The following HERC6 variants were observed in gnomAD, a reference collection of about 807,000 sequenced individuals.
HERC6 encodes HECT and RLD domain containing E3 ubiquitin protein ligase family member 6.
In HERC6, 101 loss-of-function variants were observed where a neutral mutation model predicts 114.5. The ratio of observed to expected loss-of-function variants is 0.88; its 90% CI spans 0.75 to 1.04. HERC6 has a LOEUF of 1.04. Among genes scored for constraint, HERC6 ranks in the 50% least tolerant of loss-of-function variants. HERC6 has a pLI of 0.00. For missense variants in HERC6, 1,133 were observed against 1,230.9 expected (o/e 0.92, Z 1.19); for synonymous variants, 408 against 436.2 (o/e 0.94, Z 0.81).
At chr4:88,383,163 G>A in intron 1 of HERC6, 58 bp from the exon 2 acceptor site, 2 of 1,568,318 alleles carry the variant, frequency 1.3e-6, no homozygotes, top group Non-Finnish European at 1.7e-6. Context: ...TCTTAAACTT[G>A]TGTTAAATTA....
At chr4:88,438,125 C>CA (rs746047106) in intron 20 of HERC6, among the ~76,000 whole-genome samples, 1,482 of 41,646 alleles carry the variant, frequency 0.036, 19 homozygotes, top group Non-Finnish European at 0.045. Context: ...GACTGTGTCT[C>CA]AAAAAAAAAA....
chr4:88,414,026 C>T (rs1736281751), intron 12 of HERC6, among the ~76,000 whole-genome samples: 1 of 152,144 alleles, frequency 6.6e-6, no homozygotes, highest in African/African-American at 2.4e-5. Flanking sequence ...CAATTCTGTT[C>T]TCTGTAGTGG....
At chr4:88,419,008 G>A (rs572300505) in intron 13 of HERC6, among the ~76,000 whole-genome samples, 1 of 152,288 alleles carries the variant, frequency 6.6e-6, no homozygotes, top group Admixed American at 6.5e-5. Flanking sequence ...TTATAGGCGT[G>A]AGTCACTGTG....
In HERC6 at chr4:88,423,663, T is replaced by C. The variant is rs186233181; in HGVS notation, c.1714-197T>C. On this transcript the variant is annotated intron_variant, in intron 13 of 22. Transcript: ENST00000264346. ...CTGTCAGCGTCTTATCTTTGACATT[T>C]CTTCATGAAAATTAAGGAAATTATA... Among the ~76,000 whole-genome samples, 3 of 152,336 alleles carry C rather than the reference T, an allele frequency of 2.0e-5. No individual in the cohort carries two copies. In the East Asian group the frequency reaches 5.8e-4, roughly 29 times the overall value.
chr4:88,439,828 CT>C, intron 20 of HERC6, 45 bp from the exon 21 acceptor site: 1 of 1,390,420 alleles, frequency 7.2e-7, no homozygotes, highest in Non-Finnish European at 9.3e-7. Context: ...AATCATTGGC[CT>C]TTTCCTTCCT....
At chr4:88,406,017 A>G (rs899223182) in intron 10 of HERC6, among the ~76,000 whole-genome samples, 4 of 152,224 alleles carry the variant, frequency 2.6e-5, no homozygotes, top group African/African-American at 9.6e-5. Flanking sequence ...ACTCACTGCT[A>G]CAGAAGAAAA....
Position 88,432,909 on chromosome 4 carries a change from A to G in HERC6, c.2250+1604A>G, listed in dbSNP as rs796826649. On this transcript the variant is annotated intron_variant, in intron 17 of 22. Coordinates refer to ENST00000264346, the MANE Select transcript of HERC6 (RefSeq NM_017912.4). ...CGAGACCATCCTGGCTAGCATGGTG[A>G]AACCCTATCTCTACTAAAAATACAA... 2.6e-5 allele frequency among the ~76,000 whole-genome samples: 4 copies of G among 151,548 alleles called. No homozygotes were observed. In the South Asian group the frequency reaches 8.3e-4, roughly 32 times the overall value.
intron 8 of HERC6, among the ~76,000 whole-genome samples, chr4:88,401,273 T>A (rs1211115827): frequency 6.6e-6 from 1 of 151,734 alleles, no homozygotes; most frequent in Non-Finnish European, 1.5e-5. Flanking sequence ...GGCGGGTGGA[T>A]CACAAGGTCA....
Position 88,431,192 on chromosome 4 carries a change from T to C in HERC6, c.2137T>C (p.Ser713Pro). The C allele has an allele frequency of 6.2e-7, 1 of 1,611,876 alleles. No individual in the cohort carries two copies. The highest frequency in any genetic ancestry group is 2.2e-5 in the East Asian group (1 of 44,856). ...VEFINEICPE[S>P]GGVSSEFFHC... ...ATTTATTAATGAAATTTGTCCTGAG[T>C]CTGGAGGGGTTAGTTCAGAGTTCTT... is the stretch of plus-strand genomic sequence containing the variant. Residue 713 changes from serine to proline, a missense_variant, in exon 17 of 23, where the codon TCT becomes CCT. Ser to Pro is a moderately conservative substitution (Grantham distance 74). Transcript: ENST00000264346.
At chr4:88,405,147 T>C in intron 9 of HERC6, 150 bp downstream of exon 9, 1 of 882,526 alleles carries the variant, frequency 1.1e-6, no homozygotes, top group East Asian at 2.6e-5. Flanking sequence ...GACTAGGTCA[T>C]CAGTGTACTC....
chr4:88,437,679 A>G, intron 19 of HERC6, 32 bp from the exon 20 acceptor site: 1 of 1,392,094 alleles, frequency 7.2e-7, no homozygotes, highest in Non-Finnish European at 1.0e-6. Flanking sequence ...ACTTACTTTG[A>G]TATTTGGTAC....
chr4:88,388,325 T>C (rs1578370831), intron 3 of HERC6, among the ~76,000 whole-genome samples: 1 of 151,828 alleles, frequency 6.6e-6, no homozygotes, highest in Non-Finnish European at 1.5e-5. Context: ...CCGAGGTGGG[T>C]GGATCACCTG....
intron 17 of HERC6, 33 bp from the exon 18 acceptor site, chr4:88,435,692 T>C: frequency 7.4e-7 from 1 of 1,352,750 alleles, no homozygotes. Context: ...TAATTATTTA[T>C]AATACCTTAG....
rs780414918 is a variant in HERC6, at chr4:88,431,312, CTTTTCT to C, written c.2250+12_2250+17del. The C allele has an allele frequency of 3.2e-6, 5 of 1,575,060 alleles. No homozygotes were observed. Among genetic ancestry groups the C allele is most frequent in the South Asian group, 2.4e-5 (2 of 83,662 alleles). ...CATGTGGTTTCCTGCCAAGGTAAGTCTTTTCTTTTTTTTTTTTCCCCCAGAACAGAA... is the reference window on the plus strand; with the variant it reads ...CATGTGGTTTCCTGCCAAGGTAAGTCTTTTTTTTTTTCCCCCAGAACAGAA... On this transcript the variant is annotated splice_region_variant and intron_variant, in intron 17 of 22. Transcript: ENST00000264346.
At chr4:88,442,069 A>G (rs186805064) in intron 22 of HERC6, among the ~76,000 whole-genome samples, 165 bp from the exon 23 acceptor site, 1 of 152,330 alleles carries the variant, frequency 6.6e-6, no homozygotes, top group Admixed American at 6.5e-5. Flanking sequence ...ATTGAGGACA[A>G]AGACCAAATG....
chr4:88,434,612 C>A (rs1163760114), intron 17 of HERC6, among the ~76,000 whole-genome samples: 1 of 151,976 alleles, frequency 6.6e-6, no homozygotes, highest in Admixed American at 6.6e-5. Context: ...TTATGAGGTA[C>A]AGATGAAGAA....
chr4:88,397,523 C>T (rs2148883577), intron 7 of HERC6, among the ~76,000 whole-genome samples: 1 of 151,814 alleles, frequency 6.6e-6, no homozygotes, highest in Non-Finnish European at 1.5e-5. Context: ...CAGGGTGAAA[C>T]CCGTCTCTAG....
chr4:88,436,436 A>G (rs1738749647), intron 18 of HERC6, among the ~76,000 whole-genome samples: 2 of 152,198 alleles, frequency 1.3e-5, no homozygotes, highest in African/African-American at 4.8e-5. Flanking sequence ...TGTGTGCTGG[A>G]GCAGGGGTTC....
chr4:88,435,614 T>C, intron 17 of HERC6, 111 bp from the exon 18 acceptor site: 1 of 654,426 alleles, frequency 1.5e-6, no homozygotes, highest in Non-Finnish European at 2.2e-6. Flanking sequence ...CATTTTGTTT[T>C]TAATTTTTGA....
Sources: allele counts gnomAD v4.1 joint callset (sites outside exome capture counted in the v4.1 genomes callset), GRCh38; gene constraint gnomAD v4.1.1; transcripts MANE v1.5; gene names NCBI Gene and HGNC (gene_info 2026-07-23, HGNC 2026-07-21).